Variants in MBD5 observed in about 807,000 individuals in gnomAD.
MBD5 encodes the protein methyl-CpG-binding domain protein 5.
A neutral mutation model predicts 117.3 loss-of-function variants in MBD5; 13 were observed. The observed-to-expected ratio is 0.11, with a 90% CI of 0.07 to 0.18. The LOEUF is 0.18. Ranked by LOEUF, MBD5 falls within the 10% of genes least tolerant of loss-of-function variation. The probability of loss-of-function intolerance (pLI) is 1.00; values close to 1 mark genes in which losing one functional copy is unlikely to be tolerated. For synonymous variants in MBD5, 727 were observed against 766.4 expected, an observed-to-expected ratio of 0.95 and a Z score of 0.85; for missense variants, 1,879 against 2,093.8, an observed-to-expected ratio of 0.90 and a Z score of 2.00.
At chr2:148,096,635 TG>T (rs1696076632) in intron 1 of MBD5, among the ~76,000 whole-genome samples, 2 of 152,084 alleles carry the variant, frequency 1.3e-5, no homozygotes, top group Non-Finnish European at 2.9e-5. Flanking sequence ...TGAAGTATTA[TG>T]GGGAAAAAAA....
chr2:148,076,814 T>C (rs1695520171), intron 1 of MBD5, among the ~76,000 whole-genome samples: 1 of 152,354 alleles, frequency 6.6e-6, no homozygotes, highest in Admixed American at 6.5e-5. Context: ...AGTGGGAACA[T>C]TGAAGTGAAT....
intron 7 of MBD5, 90 bp downstream of exon 7, chr2:148,464,009 C>G (rs1475008463): frequency 7.5e-7 from 1 of 1,329,228 alleles, no homozygotes; most frequent in East Asian, 2.4e-5. Context: ...TCTCATTCTA[C>G]TTTTCAGGCA....
At chr2:148,320,016 T>C (rs1366671119) in intron 3 of MBD5, among the ~76,000 whole-genome samples, 1 of 152,242 alleles carries the variant, frequency 6.6e-6, no homozygotes, top group Non-Finnish European at 1.5e-5. Context: ...GATGATCATA[T>C]GATTCTTGTT....
intron 1 of MBD5, among the ~76,000 whole-genome samples, chr2:148,074,297 T>C (rs1045801643): frequency 2.6e-5 from 4 of 152,174 alleles, no homozygotes; most frequent in African/African-American, 9.6e-5. Context: ...TTTGGATTCT[T>C]TCTCTTTCCT....
chr2:148,061,239 A>C (rs578261867), intron 1 of MBD5, among the ~76,000 whole-genome samples: 324 of 152,202 alleles, frequency 2.1e-3, no homozygotes, highest in African/African-American at 7.4e-3. Context: ...CTGATAGGTA[A>C]GATTATTGTA....
At chr2:148,415,562 C>G (rs1705392278) in intron 4 of MBD5, among the ~76,000 whole-genome samples, 1 of 152,158 alleles carries the variant, frequency 6.6e-6, no homozygotes, top group African/African-American at 2.4e-5. Context: ...ACATGTTTTC[C>G]AGGTTGCTTG....
At chr2:148,240,104 C>T (rs1317231454) in intron 3 of MBD5, among the ~76,000 whole-genome samples, 2 of 152,108 alleles carry the variant, frequency 1.3e-5, no homozygotes, top group African/African-American at 4.8e-5. Flanking sequence ...AGGATGAGTT[C>T]ATGTCCTTTA....
intron 3 of MBD5, among the ~76,000 whole-genome samples, chr2:148,287,562 C>T (rs528205023): frequency 6.6e-6 from 1 of 152,236 alleles, no homozygotes; most frequent in South Asian, 2.1e-4. Context: ...TTGTCTTAGT[C>T]CATTTTGTGT....
At position 148,483,714 on chromosome 2, in the gene MBD5, AGAC is replaced by A. The variant is rs1681241050; in HGVS notation, c.3124_3126del (p.Asp1042del). The A allele has an allele frequency of 1.9e-6, 3 of 1,550,616 alleles. No individual in the cohort carries two copies. The highest frequency in any genetic ancestry group is 2.6e-6 in the Non-Finnish European group (3 of 1,146,978). ...CAGACCATTTGCCAAGCAATCAGTC[AGAC>A]AACAGCCGAGCTGAGACCCTTTTAA... On this transcript the variant is annotated inframe_deletion, in exon 9 of 14. Coordinates refer to ENST00000642680, the MANE Select transcript of MBD5 (RefSeq NM_001378120.1).
intron 1 of MBD5, among the ~76,000 whole-genome samples, chr2:148,086,796 T>C (rs183913786): frequency 3.9e-4 from 60 of 152,298 alleles, no homozygotes; most frequent in African/African-American, 1.4e-3. Flanking sequence ...CTCTTTATGC[T>C]ACCCGTAGTT....
chr2:148,453,971 A>G (rs1706807050), intron 4 of MBD5, among the ~76,000 whole-genome samples: 1 of 152,126 alleles, frequency 6.6e-6, no homozygotes, highest in Non-Finnish European at 1.5e-5. Flanking sequence ...ATAATTTTAA[A>G]TGAGTTATCA....
At chr2:148,230,458 G>C (rs927822783) in intron 2 of MBD5, among the ~76,000 whole-genome samples, 1 of 151,676 alleles carries the variant, frequency 6.6e-6, no homozygotes, top group African/African-American at 2.4e-5. Flanking sequence ...GCTGTCCTCT[G>C]ACCCAGAGCA....
At chr2:148,028,372 T>G (rs1404466354) in intron 1 of MBD5, 1 of 151,996 alleles carries the variant, frequency 6.6e-6, no homozygotes, top group Admixed American at 6.5e-5. Flanking sequence ...ATGTTAAAAC[T>G]TAAGTTCATG....
At chr2:148,314,591 T>G (rs1217006019) in intron 3 of MBD5, among the ~76,000 whole-genome samples, 1 of 152,098 alleles carries the variant, frequency 6.6e-6, no homozygotes, top group African/African-American at 2.4e-5. Flanking sequence ...TTGGCCAGGC[T>G]GGTCTCTAAC....
At chr2:148,164,731 T>C (rs1698086587) in intron 1 of MBD5, among the ~76,000 whole-genome samples, 1 of 152,200 alleles carries the variant, frequency 6.6e-6, no homozygotes, top group Admixed American at 6.5e-5. Context: ...GATTAATCAC[T>C]GATTGTTTCA....
At chr2:148,493,474 A>C (rs1681592949) in intron 11 of MBD5, among the ~76,000 whole-genome samples, 1 of 152,238 alleles carries the variant, frequency 6.6e-6, no homozygotes, top group Non-Finnish European at 1.5e-5. Context: ...CAAAATAGAA[A>C]ATAAAGATAA....
At chr2:148,491,664 T>C (rs1363409801) in intron 11 of MBD5, among the ~76,000 whole-genome samples, 1 of 152,030 alleles carries the variant, frequency 6.6e-6, no homozygotes, top group Non-Finnish European at 1.5e-5. Flanking sequence ...ATGCCTAATA[T>C]ATACTTGTCA....
At chr2:148,293,613 T>C (rs1324187920) in intron 3 of MBD5, among the ~76,000 whole-genome samples, 1 of 152,206 alleles carries the variant, frequency 6.6e-6, no homozygotes, top group East Asian at 1.9e-4. Context: ...GTGTGCCTTT[T>C]ATTTCATTTT....
At chr2:148,212,838 A>G (rs13403934) in intron 2 of MBD5, among the ~76,000 whole-genome samples, 1,848 of 152,298 alleles carry the variant, frequency 0.012, 33 homozygotes, top group African/African-American at 0.042. Flanking sequence ...ATCTCTAAAT[A>G]TAAGGCATCT....
Sources: allele counts gnomAD v4.1 joint callset (sites outside exome capture counted in the v4.1 genomes callset), GRCh38; gene constraint gnomAD v4.1.1; transcripts MANE v1.5; gene names NCBI Gene and HGNC (gene_info 2026-07-23, HGNC 2026-07-21).